The following CUEDC1 variants were observed in gnomAD, a reference collection of about 807,000 sequenced individuals.
CUEDC1 encodes the protein CUE domain containing 1.
A neutral mutation model predicts 43.7 loss-of-function variants in CUEDC1; 30 were observed. The ratio of observed to expected loss-of-function variants is 0.69; its 90% CI spans 0.51 to 0.93. The LOEUF (loss-of-function observed/expected upper bound fraction) is 0.93. Among genes scored for constraint, CUEDC1 ranks in the 40% least tolerant of loss-of-function variants. The pLI is 0.00. For missense variants in CUEDC1, 486 were observed against 549.0 expected, an observed-to-expected ratio of 0.89 and a Z score of 1.15; for synonymous variants, 223 against 223.6, an observed-to-expected ratio of 1.00 and a Z score of 0.02.
chr17:57,947,366 AT>A (rs2074968794), intron 1 of CUEDC1, among the ~76,000 whole-genome samples: 1 of 152,180 alleles, frequency 6.6e-6, no homozygotes. Context: ...ATCCGTTCAT[AT>A]TTGGTTCACT....
At chr17:57,876,257 T>C (rs2074124524) in intron 3 of CUEDC1, among the ~76,000 whole-genome samples, 1 of 152,104 alleles carries the variant, frequency 6.6e-6, no homozygotes. Context: ...CTGCTTGCCT[T>C]TCCAGCCTCA....
intron 1 of CUEDC1, among the ~76,000 whole-genome samples, chr17:57,919,315 G>A (rs1438287050): frequency 1.3e-5 from 2 of 152,026 alleles, no homozygotes; most frequent in African/African-American, 2.4e-5. Flanking sequence ...AAGTAGCTGG[G>A]ATTACAGGCA....
At chr17:57,892,190 A>T (rs2074362213) in intron 1 of CUEDC1, among the ~76,000 whole-genome samples, 1 of 152,144 alleles carries the variant, frequency 6.6e-6, no homozygotes, top group Admixed American at 6.5e-5. Context: ...CAACAAACCT[A>T]GAAGATATAT....
At chr17:57,884,811 C>G (rs899276581) in intron 2 of CUEDC1, among the ~76,000 whole-genome samples, 2 of 152,258 alleles carry the variant, frequency 1.3e-5, no homozygotes, top group Non-Finnish European at 2.9e-5. Context: ...CTAGTCCACA[C>G]TGGACTGTGA....
intron 1 of CUEDC1, among the ~76,000 whole-genome samples, chr17:57,934,744 G>A (rs2074844076): frequency 1.3e-5 from 2 of 152,092 alleles, no homozygotes; most frequent in Admixed American, 6.5e-5. Context: ...ATCTCACTCT[G>A]TTGCCCAGGC....
At chr17:57,932,670 T>C (rs957265798) in intron 1 of CUEDC1, among the ~76,000 whole-genome samples, 1 of 149,588 alleles carries the variant, frequency 6.7e-6, no homozygotes, top group South Asian at 2.1e-4. Flanking sequence ...CAGATCAGCC[T>C]GGCCAACATG....
intron 1 of CUEDC1, among the ~76,000 whole-genome samples, chr17:57,947,359 C>A (rs538779759): frequency 6.6e-6 from 1 of 152,210 alleles, no homozygotes; most frequent in South Asian, 2.1e-4. Flanking sequence ...GTCCAGCATC[C>A]GTTCATATTT....
At chr17:57,871,019 T>C (rs1407935900) in intron 6 of CUEDC1, among the ~76,000 whole-genome samples, 1 of 152,080 alleles carries the variant, frequency 6.6e-6, no homozygotes, top group Non-Finnish European at 1.5e-5. Context: ...AGGCATAGGT[T>C]GAGAGTTCAG....
intron 3 of CUEDC1, among the ~76,000 whole-genome samples, chr17:57,878,079 C>A (rs1228151247): frequency 6.6e-6 from 1 of 152,064 alleles, no homozygotes; most frequent in African/African-American, 2.4e-5. Flanking sequence ...GTCCCTGACT[C>A]AAAACACTTC....
rs1325361170 is a variant in CUEDC1, at chr17:57,879,691, T to C, written c.384A>G (p.Pro128=). The change falls in exon 3 of 11, where the codon CCA becomes CCG. Residue 128 remains proline (P), a synonymous_variant. Coordinates refer to ENST00000577830, the MANE Select transcript of CUEDC1 (RefSeq NM_001271875.2). ...GGTAGGCTGGCGGGGAGTACACAGG[T>C]GGGGGCTCTTCATCCGAGCTATCAG... is the stretch of plus-strand genomic sequence containing the variant. The part of the protein sequence containing the change: ...LEPDSSDEEP[P]PVYSPPAYHM... The C allele has an allele frequency of 6.2e-7, 1 of 1,601,310 alleles. No homozygotes were observed.
intron 1 of CUEDC1, among the ~76,000 whole-genome samples, chr17:57,943,938 C>T (rs542250401): frequency 2.8e-4 from 43 of 152,270 alleles, no homozygotes; most frequent in Middle Eastern, 6.8e-3. Context: ...AGAATCCTAA[C>T]GCTACAATAT....
At chr17:57,934,874 A>G (rs1308235079) in intron 1 of CUEDC1, among the ~76,000 whole-genome samples, 4 of 151,802 alleles carry the variant, frequency 2.6e-5, no homozygotes, top group African/African-American at 9.7e-5. Context: ...TGCCCAGCTA[A>G]TTTTTGTATT....
At chr17:57,874,248 A>G (rs1490327571) in intron 3 of CUEDC1, among the ~76,000 whole-genome samples, 2 of 152,152 alleles carry the variant, frequency 1.3e-5, no homozygotes, top group Admixed American at 6.5e-5. Flanking sequence ...TTCTGGCTCA[A>G]CCACCAGCCG....
intron 1 of CUEDC1, among the ~76,000 whole-genome samples, chr17:57,932,617 G>T (rs1173784092): frequency 2.1e-5 from 3 of 146,168 alleles, no homozygotes; most frequent in African/African-American, 5.1e-5. Flanking sequence ...AAAAAAGTCT[G>T]TTGGAGGGCC....
chr17:57,941,933 T>C (rs2074920448), intron 1 of CUEDC1, among the ~76,000 whole-genome samples: 1 of 152,126 alleles, frequency 6.6e-6, no homozygotes, highest in Non-Finnish European at 1.5e-5. Context: ...TTGGGAAATG[T>C]GTGTGGAGAA....
intron 1 of CUEDC1, among the ~76,000 whole-genome samples, chr17:57,902,782 A>T (rs2074487383): frequency 6.6e-6 from 1 of 152,188 alleles, no homozygotes; most frequent in African/African-American, 2.4e-5. Flanking sequence ...TTGGGCACAA[A>T]CCCTATAGCA....
chr17:57,872,697 T>C lies in CUEDC1; in HGVS notation c.750A>G (p.Gln250=), dbSNP rs767977452. The change falls in exon 5 of 11, where the codon CAA becomes CAG. Residue 250 remains glutamine (Q), a synonymous_variant. Transcript: ENST00000577830. The part of the protein sequence containing the change: ...LQNEEFMKEL[Q]RNRDFLLALE... ...GAGCGAGGAGGAAGTCGCGGTTCCG[T>C]TGCAGCTCCTTCATGAACTCCTCGT... 3 of 1,614,166 alleles carry C rather than the reference T, an allele frequency of 1.9e-6. No individual in the cohort carries two copies. Among genetic ancestry groups the C allele is most frequent in the African/African-American group, 1.3e-5 (1 of 75,054 alleles).
At chr17:57,897,733 G>A (rs902615969) in intron 1 of CUEDC1, among the ~76,000 whole-genome samples, 1 of 149,378 alleles carries the variant, frequency 6.7e-6, no homozygotes, top group African/African-American at 2.5e-5. Flanking sequence ...CCTGAATTAT[G>A]GCCAGGCGCG....
chr17:57,889,016 G>C (rs909708374), intron 1 of CUEDC1, among the ~76,000 whole-genome samples: 4 of 152,164 alleles, frequency 2.6e-5, no homozygotes, highest in African/African-American at 9.7e-5. Context: ...GCCTCTCTGA[G>C]TGTTGAGAAG....
Sources: gnomAD v4.1 joint callset for allele counts (sites outside exome capture counted in the v4.1 genomes callset) on GRCh38, gnomAD v4.1.1 for gene constraint, MANE v1.5 for transcripts, NCBI Gene and HGNC (gene_info 2026-07-23, HGNC 2026-07-21) for gene names.